Variants in ZNF438 observed in about 807,000 individuals in gnomAD.
The protein encoded by ZNF438 is zinc finger protein 438.
In ZNF438, 25 loss-of-function variants were observed where a neutral mutation model predicts 38.0. That is an observed-to-expected ratio of 0.66 (90% CI 0.48 to 0.92). ZNF438 has a LOEUF of 0.92. Among genes scored for constraint, ZNF438 ranks in the 40% least tolerant of loss-of-function variants. The pLI is 0.00. For synonymous variants in ZNF438, 372 were observed against 364.1 expected (o/e 1.02, Z -0.25); for missense variants, 1,007 against 999.6 (o/e 1.01, Z -0.10).
At chr10:30,968,869 T>C (rs1478235402) in intron 1 of ZNF438, among the ~76,000 whole-genome samples, 1 of 152,142 alleles carries the variant, frequency 6.6e-6, no homozygotes, top group African/African-American at 2.4e-5. Flanking sequence ...GGTTGGGATC[T>C]GAAGAAAACA....
At chr10:30,929,348 TCTGG>T (rs2045346941) in intron 2 of ZNF438, among the ~76,000 whole-genome samples, 1 of 152,176 alleles carries the variant, frequency 6.6e-6, no homozygotes, top group Non-Finnish European at 1.5e-5. Context: ...GGGTTCGTGG[TCTGG>T]CTGGTTTCAG....
chr10:30,867,213 T>C (rs1376702858), intron 4 of ZNF438, among the ~76,000 whole-genome samples: 4 of 152,148 alleles, frequency 2.6e-5, no homozygotes, highest in African/African-American at 9.7e-5. Context: ...ATATACAACA[T>C]CACAACTGAC....
At chr10:30,990,521 C>T (rs1826561855) in intron 1 of ZNF438, among the ~76,000 whole-genome samples, 1 of 152,154 alleles carries the variant, frequency 6.6e-6, no homozygotes, top group Non-Finnish European at 1.5e-5. Context: ...GCATAGGACC[C>T]AGTAATCTGC....
intron 1 of ZNF438, among the ~76,000 whole-genome samples, chr10:30,975,152 G>C (rs2051197662): frequency 6.6e-6 from 1 of 152,160 alleles, no homozygotes; most frequent in African/African-American, 2.4e-5. Flanking sequence ...CCTAGCAACT[G>C]CTACAGAGTT....
At chr10:30,872,148 C>G (rs10763846) in intron 4 of ZNF438, among the ~76,000 whole-genome samples, 68,067 of 151,670 alleles carry the variant, frequency 0.45, 15,787 homozygotes, top group African/African-American at 0.56. Context: ...GTAATCCCAG[C>G]ACCTTGGGAG....
intron 3 of ZNF438, among the ~76,000 whole-genome samples, chr10:30,905,936 C>T (rs76677240): frequency 0.016 from 2,400 of 152,292 alleles, 58 homozygotes; most frequent in African/African-American, 0.054. Context: ...TCTATCCTTA[C>T]GCCACTACCA....
At chr10:30,969,979 G>A (rs1230687006) in intron 1 of ZNF438, among the ~76,000 whole-genome samples, 1 of 152,026 alleles carries the variant, frequency 6.6e-6, no homozygotes, top group East Asian at 1.9e-4. Context: ...TGATGACAAT[G>A]AAATGATATT....
intron 1 of ZNF438, among the ~76,000 whole-genome samples, chr10:31,021,017 G>C (rs1406404242): frequency 6.7e-6 from 1 of 150,180 alleles, no homozygotes; most frequent in African/African-American, 2.4e-5. Context: ...TGTAGATTAA[G>C]GAAGGAAATA....
intron 2 of ZNF438, chr10:30,921,029 T>A (rs969917367): frequency 2.6e-5 from 4 of 152,248 alleles, no homozygotes; most frequent in Admixed American, 6.5e-5. Context: ...TTAATTTGTT[T>A]TACCTAGAAA....
chr10:30,972,036 C>T (rs1190411285), intron 1 of ZNF438, among the ~76,000 whole-genome samples: 2 of 151,070 alleles, frequency 1.3e-5, no homozygotes, highest in East Asian at 3.9e-4. Context: ...GTGGCACAAT[C>T]TTGGCTCACT....
At chr10:30,921,972 G>A (rs1414986597) in intron 2 of ZNF438, among the ~76,000 whole-genome samples, 1 of 152,120 alleles carries the variant, frequency 6.6e-6, no homozygotes, top group Non-Finnish European at 1.5e-5. Context: ...TTATAACAAT[G>A]CTATCTATGA....
exon 6 of ZNF438, chr10:30,844,999 G>T: frequency 6.2e-7 from 1 of 1,614,096 alleles, no homozygotes. Context: ...ATCACTCCCT[G>T]GTTGGAGACC....
intron 1 of ZNF438, among the ~76,000 whole-genome samples, chr10:30,969,474 A>G (rs969716278): frequency 2.6e-5 from 4 of 152,228 alleles, no homozygotes; most frequent in African/African-American, 9.6e-5. Flanking sequence ...GTAAGAAGCT[A>G]AAGGTGCTCA....
In ZNF438 at chr10:31,020,785, A is replaced by C. The variant is rs375384310; in HGVS notation, c.-192+11048T>G. The stretch of plus-strand genomic sequence containing the variant: ...TAATGTTAATGTTATATTATAAATA[A>C]TTTTATAATATATTAACTATAGTAT... On this transcript the variant is annotated intron_variant, in intron 1 of 5. Coordinates refer to ENST00000413025, the Ensembl canonical transcript of ZNF438. Among the ~76,000 whole-genome samples the C allele has an allele frequency of 2.4e-4, 37 of 151,382 alleles. 1 individual carries two copies. The South Asian group carries it at 7.5e-3, about 30-fold the overall frequency.
intron 1 of ZNF438, among the ~76,000 whole-genome samples, chr10:30,960,584 T>A (rs1477397425): frequency 6.8e-6 from 1 of 147,100 alleles, no homozygotes; most frequent in East Asian, 1.9e-4. Flanking sequence ...TAAATGTTTA[T>A]TTCTGGACTC....
chr10:30,866,109 T>C (rs1484439375), intron 4 of ZNF438, among the ~76,000 whole-genome samples: 1 of 152,172 alleles, frequency 6.6e-6, no homozygotes, highest in Non-Finnish European at 1.5e-5. Context: ...AAAAAAGCAG[T>C]ACAAAATTTT....
rs563189482 is a variant in ZNF438 at position 31,010,892 on chromosome 10, G to GAAAAAAA, written c.-192+20934_-192+20940dup. Among the ~76,000 whole-genome samples the GAAAAAAA allele has an allele frequency of 1.2e-3, 114 of 92,568 alleles. 11 individuals are homozygous for GAAAAAAA. Among genetic ancestry groups the GAAAAAAA allele is most frequent in the African/African-American group, 5.1e-3 (95 of 18,696 alleles). The allele number at this position is 92,568 out of a possible 152,430, so 60.7% of individuals were successfully genotyped here. ...TGGATAACGAAGTGAGACCCTGTTT[G>GAAAAAAA]AAAAAAAAAAAAAAAAAAAAAAAAA... On this transcript the variant is annotated intron_variant, in intron 1 of 5. Transcript: ENST00000413025.
intron 1 of ZNF438, among the ~76,000 whole-genome samples, chr10:31,025,442 C>T (rs1349351804): frequency 1.3e-5 from 2 of 152,196 alleles, no homozygotes; most frequent in Non-Finnish European, 2.9e-5. Context: ...AGTAAAAAAT[C>T]ATTCTGAGTT....
intron 1 of ZNF438, among the ~76,000 whole-genome samples, chr10:31,003,724 C>A (rs1269129418): frequency 6.6e-6 from 1 of 152,154 alleles, no homozygotes; most frequent in Non-Finnish European, 1.5e-5. Flanking sequence ...CTTAACTGGT[C>A]TTCCTGCTTT....
Sources: allele counts gnomAD v4.1 joint callset (sites outside exome capture counted in the v4.1 genomes callset), GRCh38; gene constraint gnomAD v4.1.1; transcripts MANE v1.5; gene names NCBI Gene and HGNC (gene_info 2026-07-23, HGNC 2026-07-21).